Variants in AUTS2 observed in about 807,000 individuals in gnomAD.
AUTS2 encodes the protein autism susceptibility gene 2 protein.
Under a neutral mutation model 112.4 loss-of-function variants are expected in AUTS2, and 17 were observed. That is an observed-to-expected ratio of 0.15 (90% CI 0.10 to 0.23). The LOEUF (loss-of-function observed/expected upper bound fraction) is 0.23. AUTS2 is among the 10% of genes least tolerant of loss of function. The pLI, the probability that AUTS2 is intolerant of heterozygous loss-of-function variation, is 1.00. For missense variants in AUTS2, 1,510 were observed against 1,701.6 expected, an observed-to-expected ratio of 0.89 and a Z score of 1.98; for synonymous variants, 751 against 702.7, an observed-to-expected ratio of 1.07 and a Z score of -1.09.
intron 6 of AUTS2, among the ~76,000 whole-genome samples, chr7:70,748,855 G>C (rs142042654): frequency 2.3e-3 from 347 of 152,230 alleles, no homozygotes; most frequent in Non-Finnish European, 3.6e-3. Context: ...ATTTTCTTCT[G>C]CAATATGCAT....
chr7:70,287,543 A>C (rs1178984086), intron 4 of AUTS2, among the ~76,000 whole-genome samples: 2 of 152,236 alleles, frequency 1.3e-5, no homozygotes, highest in African/African-American at 4.8e-5. Flanking sequence ...TCCTCCCAGT[A>C]GTTTAGAGCG....
At chr7:69,920,149 A>G (rs1392332174) in intron 2 of AUTS2, among the ~76,000 whole-genome samples, 1 of 151,978 alleles carries the variant, frequency 6.6e-6, no homozygotes, top group African/African-American at 2.4e-5. Flanking sequence ...AATTATAGAA[A>G]TTTGATTGTT....
rs1048545391 is a variant in AUTS2 at position 69,934,043 on chromosome 7, A to G, written c.522+34545A>G. ...TCTAGTTTAGAGATTTATTATTTTTATTGTTTAGACTTAAAAGGAAAACAG... is the reference window on the plus strand; with the variant it reads ...TCTAGTTTAGAGATTTATTATTTTTGTTGTTTAGACTTAAAAGGAAAACAG... On this transcript the variant is annotated intron_variant, in intron 2 of 18. Transcript: ENST00000342771. 4.6e-5 allele frequency among the ~76,000 whole-genome samples: 7 copies of G among 152,180 alleles called. No homozygotes were observed. The East Asian group carries it at 1.2e-3, about 25-fold the overall frequency.
intron 5 of AUTS2, among the ~76,000 whole-genome samples, chr7:70,533,990 G>T (rs11768800): frequency 6.6e-6 from 1 of 152,106 alleles, no homozygotes. Flanking sequence ...GTAGTGAATG[G>T]CAATGAGTAA....
chr7:70,660,192 A>AG (rs1806995207), intron 5 of AUTS2, among the ~76,000 whole-genome samples: 1 of 151,824 alleles, frequency 6.6e-6, no homozygotes, highest in Non-Finnish European at 1.5e-5. Flanking sequence ...AAAAAAGAAA[A>AG]GAAAAAAAGG....
chr7:70,713,896 A>T (rs1458619729), intron 6 of AUTS2, among the ~76,000 whole-genome samples: 139 of 9,340 alleles, frequency 0.015, 1 homozygote, highest in African/African-American at 0.033. Flanking sequence ...ACTCCGTCTC[A>T]AAAAAAAAAA....
intron 1 of AUTS2, among the ~76,000 whole-genome samples, chr7:69,809,736 G>A (rs565769839): frequency 3.9e-5 from 6 of 152,168 alleles, no homozygotes; most frequent in Non-Finnish European, 8.8e-5. Flanking sequence ...ATGACTGTGT[G>A]ACGGAGCTGA....
At position 70,330,085 on chromosome 7, in the gene AUTS2, G is replaced by T. The variant is rs534809668; in HGVS notation, c.661-105667G>T. On this transcript the variant is annotated intron_variant, in intron 4 of 18. Coordinates refer to ENST00000342771, the MANE Select transcript of AUTS2 (RefSeq NM_015570.4). ...TCACCTTTAAAACTATTGCATTGGAGATTAAATTTCAACATGAATTTTGAG... is the reference window on the plus strand; with the variant it reads ...TCACCTTTAAAACTATTGCATTGGATATTAAATTTCAACATGAATTTTGAG... Among the ~76,000 whole-genome samples the T allele has an allele frequency of 7.9e-5, 12 of 152,258 alleles. No individual in the cohort carries two copies. The South Asian group carries it at 1.5e-3, about 18-fold the overall frequency.
chr7:70,157,312 T>C (rs1362760191), intron 4 of AUTS2, among the ~76,000 whole-genome samples: 2 of 152,070 alleles, frequency 1.3e-5, no homozygotes, highest in Non-Finnish European at 2.9e-5. Context: ...CAGGTCTTGC[T>C]CTGTTGCCCA....
intron 4 of AUTS2, among the ~76,000 whole-genome samples, chr7:70,211,370 C>T (rs1584881668): frequency 6.6e-6 from 1 of 151,116 alleles, no homozygotes; most frequent in African/African-American, 2.4e-5. Flanking sequence ...GACTTTCTGG[C>T]CGGGCGCGGT....
intron 4 of AUTS2, among the ~76,000 whole-genome samples, chr7:70,206,284 A>G (rs1026983439): frequency 1.3e-5 from 2 of 152,156 alleles, no homozygotes; most frequent in African/African-American, 4.8e-5. Context: ...TGATGAGGTT[A>G]AACCAGGAAA....
intron 5 of AUTS2, among the ~76,000 whole-genome samples, chr7:70,685,598 C>T (rs972006526): frequency 7.9e-5 from 12 of 151,830 alleles, no homozygotes; most frequent in East Asian, 1.9e-4. Context: ...TAAACATGGT[C>T]GGAGAACTCC....
At chr7:70,384,162 C>T (rs1793504623) in intron 4 of AUTS2, among the ~76,000 whole-genome samples, 1 of 152,196 alleles carries the variant, frequency 6.6e-6, no homozygotes, top group Non-Finnish European at 1.5e-5. Context: ...TGCGCATGTG[C>T]TCATGGTTGC....
At chr7:69,650,954 C>T (rs766297960) in intron 1 of AUTS2, among the ~76,000 whole-genome samples, 4 of 152,210 alleles carry the variant, frequency 2.6e-5, no homozygotes, top group African/African-American at 7.2e-5. Flanking sequence ...CCCGGATCTG[C>T]TCTTCCTCAT....
intron 5 of AUTS2, among the ~76,000 whole-genome samples, chr7:70,444,382 G>C (rs1021331353): frequency 6.6e-6 from 1 of 151,658 alleles, no homozygotes; most frequent in Non-Finnish European, 1.5e-5. Flanking sequence ...GTGAGAGAGA[G>C]AGAGAGAGAG....
At chr7:70,363,120 T>C (rs1401647396) in intron 4 of AUTS2, among the ~76,000 whole-genome samples, 1 of 152,218 alleles carries the variant, frequency 6.6e-6, no homozygotes, top group Non-Finnish European at 1.5e-5. Context: ...TATTTGTAAG[T>C]ACAGTGTATC....
At chr7:70,228,422 A>C (rs902720730) in intron 4 of AUTS2, among the ~76,000 whole-genome samples, 1 of 151,392 alleles carries the variant, frequency 6.6e-6, no homozygotes, top group African/African-American at 2.4e-5. Flanking sequence ...TTTATAGTTA[A>C]TATTATTATT....
chr7:70,059,843 AT>A (rs1163173675), intron 2 of AUTS2, among the ~76,000 whole-genome samples: 1 of 152,144 alleles, frequency 6.6e-6, no homozygotes, highest in Non-Finnish European at 1.5e-5. Flanking sequence ...TCACTCATTT[AT>A]TTAAGCAGCT....
intron 1 of AUTS2, among the ~76,000 whole-genome samples, chr7:69,741,314 C>G (rs1215135148): frequency 6.6e-6 from 1 of 152,206 alleles, no homozygotes; most frequent in Non-Finnish European, 1.5e-5. Context: ...TCTTATTCAA[C>G]TCCACCCCAC....
Sources: allele counts gnomAD v4.1 joint callset (sites outside exome capture counted in the v4.1 genomes callset), GRCh38; gene constraint gnomAD v4.1.1; transcripts MANE v1.5; gene names NCBI Gene and HGNC (gene_info 2026-07-23, HGNC 2026-07-21).